BCO1: variants seen among roughly 807,000 people sequenced by gnomAD.
The protein encoded by BCO1 is beta-carotene oxygenase 1.
Under a neutral mutation model 56.3 loss-of-function variants are expected in BCO1, and 54 were observed. The observed-to-expected ratio is 0.96, with a 90% CI of 0.77 to 1.20. BCO1 has a LOEUF of 1.20. BCO1 is among the 50% of genes most tolerant of loss of function. The pLI is 0.00. For synonymous variants in BCO1, 318 were observed against 266.1 expected (o/e 1.20, Z -1.90); for missense variants, 801 against 690.9 (o/e 1.16, Z -1.79).
At chr16:81,239,093 T>C in intron 1 of BCO1, 121 bp downstream of exon 1, 1 of 795,852 alleles carries the variant, frequency 1.3e-6, no homozygotes, top group African/African-American at 1.7e-5. Flanking sequence ...CTCGGCCCAC[T>C]GCAACCTCTG....
At chr16:81,272,627 A>G (rs1035333282) in intron 7 of BCO1, among the ~76,000 whole-genome samples, 1 of 152,238 alleles carries the variant, frequency 6.6e-6, no homozygotes, top group African/African-American at 2.4e-5. Context: ...GATGTGGCCC[A>G]GGCTCTGGGC....
At chr16:81,247,084 C>G (rs1012110941) in intron 2 of BCO1, among the ~76,000 whole-genome samples, 5 of 152,146 alleles carry the variant, frequency 3.3e-5, no homozygotes, top group African/African-American at 1.2e-4. Context: ...CCAGTTTATG[C>G]TACAAAATCA....
rs146863694 is a variant in BCO1, at chr16:81,283,757, C to T, written c.1208-1783C>T. On this transcript the variant is annotated intron_variant, in intron 8 of 10. Coordinates refer to ENST00000258168, the MANE Select transcript of BCO1 (RefSeq NM_017429.3). ...GCATTTATCCATGGATGTATCTCTG[C>T]TTCCTCTTTTCTTGGACATTATATC... 8.1e-4 allele frequency among the ~76,000 whole-genome samples: 124 copies of T among 152,246 alleles called. 1 individual carries two copies. The highest frequency in any genetic ancestry group is 1.4e-3 in the Non-Finnish European group (94 of 68,022).
intron 1 of BCO1, 33 bp downstream of exon 1, chr16:81,239,005 T>C: frequency 6.3e-7 from 1 of 1,580,660 alleles, no homozygotes; most frequent in Non-Finnish European, 8.6e-7. Flanking sequence ...GGCTCTTTCT[T>C]CTATTTATTT....
intron 2 of BCO1, among the ~76,000 whole-genome samples, chr16:81,249,159 C>T (rs1368205964): frequency 3.4e-5 from 5 of 146,572 alleles, no homozygotes; most frequent in South Asian, 2.1e-4. Context: ...GGCGCAATCT[C>T]GGCTCACTGC....
rs568805360 is a variant in BCO1 at position 81,248,381 on chromosome 16, C to A, written c.193+2778C>A. ...TTGCACCATTGCACTCCAGCCTGGG[C>A]AACAAGAGCGAGGCTCCCTCTCACA... On this transcript the variant is annotated intron_variant, in intron 2 of 10. Transcript: ENST00000258168. Among the ~76,000 whole-genome samples the A allele has an allele frequency of 1.0e-4, 10 of 96,000 alleles. No homozygotes were observed. In the East Asian group the frequency reaches 1.8e-3, roughly 17 times the overall value. The allele number at this position is 96,000 out of a possible 152,430, so 63.0% of individuals were successfully genotyped here. A position where few individuals can be genotyped will look rare whatever the true frequency, so the allele number is the denominator to read the frequency against.
intron 2 of BCO1, among the ~76,000 whole-genome samples, chr16:81,251,500 C>A (rs984728157): frequency 1.3e-5 from 2 of 151,426 alleles, no homozygotes; most frequent in East Asian, 3.9e-4. Flanking sequence ...GCAGAGGCTG[C>A]AGTGAGCCGA....
intron 10 of BCO1, among the ~76,000 whole-genome samples, chr16:81,288,465 A>G (rs534036985): frequency 2.0e-5 from 3 of 152,070 alleles, no homozygotes; most frequent in South Asian, 4.2e-4. Context: ...GGGTCTCACT[A>G]TGTTTCCCAG....
intron 7 of BCO1, among the ~76,000 whole-genome samples, chr16:81,271,116 T>A (rs111819904): frequency 0.054 from 6,262 of 115,294 alleles, 212 homozygotes; most frequent in African/African-American, 0.09. Context: ...TTATTTATTT[T>A]TTTTTTTATT....
chr16:81,272,014 T>TG (rs1907250782), intron 7 of BCO1, among the ~76,000 whole-genome samples: 1 of 152,272 alleles, frequency 6.6e-6, no homozygotes, highest in African/African-American at 2.4e-5. Flanking sequence ...CCCAAAGTGC[T>TG]GGGGTTTCAG....
At chr16:81,255,888 C>T (rs976976884) in intron 2 of BCO1, among the ~76,000 whole-genome samples, 2 of 151,902 alleles carry the variant, frequency 1.3e-5, no homozygotes, top group African/African-American at 4.8e-5. Context: ...TTCAGTGGCA[C>T]GATTTCGGCT....
Position 81,242,192 on chromosome 16 carries a change from CTTTTTTTTTTTT to C in BCO1, c.64+3234_64+3245del, listed in dbSNP as rs796252592. Among the ~76,000 whole-genome samples the C allele has an allele frequency of 3.3e-4, 26 of 78,760 alleles. No individual in the cohort carries two copies. In the East Asian group the frequency reaches 6.8e-3, roughly 21 times the overall value. The allele number at this position is 78,760 out of a possible 152,430, so 51.7% of individuals were successfully genotyped here. On this transcript the variant is annotated intron_variant, in intron 1 of 10. Transcript: ENST00000258168. The stretch of plus-strand genomic sequence containing the variant: ...TGCCCAAGGCAAGAGACTTGGCTGT[CTTTTTTTTTTTT>C]TTTTTTTTTTTTTGAGGCGGAGTTT...
At chr16:81,267,752 C>A (rs968299514) in intron 5 of BCO1, among the ~76,000 whole-genome samples, 156 bp from the exon 6 acceptor site, 1 of 152,096 alleles carries the variant, frequency 6.6e-6, no homozygotes, top group African/African-American at 2.4e-5. Flanking sequence ...TGGCCCCCTG[C>A]AGCAGCTGCA....
At chr16:81,252,280 G>A (rs941468262) in intron 2 of BCO1, among the ~76,000 whole-genome samples, 2 of 151,670 alleles carry the variant, frequency 1.3e-5, no homozygotes, top group Non-Finnish European at 2.9e-5. Flanking sequence ...TGTTTTTTGA[G>A]ATGGAGACTT....
chr16:81,268,245 AC>A, intron 6 of BCO1, 114 bp downstream of exon 6: 2 of 981,298 alleles, frequency 2.0e-6, no homozygotes, highest in Non-Finnish European at 3.1e-6. Context: ...GGAGGAGGCT[AC>A]CAGAGGCATC....
intron 8 of BCO1, among the ~76,000 whole-genome samples, chr16:81,284,711 C>CT (rs1908074203): frequency 6.6e-6 from 1 of 152,140 alleles, no homozygotes; most frequent in Non-Finnish European, 1.5e-5. Flanking sequence ...TCTCAAACTC[C>CT]TGGCCTCAAG....
chr16:81,288,856 C>T (rs142518494), intron 10 of BCO1, among the ~76,000 whole-genome samples: 1,539 of 152,334 alleles, frequency 0.01, 14 homozygotes, highest in South Asian at 0.023. Context: ...CAGCTTCTTC[C>T]CTCAGGTCAC....
chr16:81,285,716 T>G (rs1354110468), intron 9 of BCO1, 82 bp downstream of exon 9: 2 of 1,104,724 alleles, frequency 1.8e-6, no homozygotes, highest in Non-Finnish European at 2.8e-6. Context: ...TTCTGAGACG[T>G]TGATTAGAAA....
intron 2 of BCO1, among the ~76,000 whole-genome samples, chr16:81,257,315 A>C (rs1906201901): frequency 6.6e-6 from 1 of 152,042 alleles, no homozygotes; most frequent in African/African-American, 2.4e-5. Context: ...TCCAGGCTAT[A>C]GGGCAGTGGC....
Sources: gnomAD v4.1 joint callset for allele counts (sites outside exome capture counted in the v4.1 genomes callset) on GRCh38, gnomAD v4.1.1 for gene constraint, MANE v1.5 for transcripts, NCBI Gene and HGNC (gene_info 2026-07-23, HGNC 2026-07-21) for gene names.